Variants in SLC25A45 observed in about 807,000 individuals in gnomAD.
SLC25A45 encodes the protein methylated amino-acid transporter SLC25A45.
In SLC25A45, 22 loss-of-function variants were observed where a neutral mutation model predicts 23.0. That is an observed-to-expected ratio of 0.95 (90% confidence interval 0.68 to 1.36). The LOEUF (loss-of-function observed/expected upper bound fraction) is 1.36. Ranked by LOEUF, SLC25A45 falls within the 40% of genes most tolerant of loss-of-function variation. SLC25A45 has a pLI of 0.00. For synonymous variants in SLC25A45, 136 were observed against 155.0 expected (o/e 0.88, Z 0.91); for missense variants, 355 against 383.5 (o/e 0.93, Z 0.62).
chr11:65,381,838 C>T, intron 2 of SLC25A45, 77 bp downstream of exon 2: 1 of 1,585,752 alleles, frequency 6.3e-7, no homozygotes, highest in Non-Finnish European at 8.7e-7. Flanking sequence ...GTCTCTGCTC[C>T]TCCCATGTCA....
intron 5 of SLC25A45, chr11:65,377,498 GGT>G: frequency 3.6e-6 from 3 of 829,270 alleles, no homozygotes; most frequent in African/African-American, 1.9e-5. Context: ...CCTTTCCCAG[GGT>G]GAAGGAGGTC....
upstream of SLC25A45, chr11:65,383,245 T>C (rs1855655745): frequency 6.6e-6 from 1 of 152,424 alleles, no homozygotes; most frequent in Admixed American, 6.5e-5. Flanking sequence ...CCTCTCACTG[T>C]GGCCAAGGCA....
rs201603322 is a variant in SLC25A45, at chr11:65,376,538, T to C, written c.736A>G (p.Met246Val). The change falls in exon 7 of 7, where the codon ATG (methionine) becomes GTG (valine). Residue 246 changes from methionine to valine, a missense_variant. Met to Val is a conservative substitution (Grantham distance 21). Coordinates refer to ENST00000398802, the MANE Select transcript of SLC25A45 (RefSeq NM_182556.4). ...RRVYQGMLDC[M>V]VSSIRQEGLG... Reference sequence around the variant, plus strand: ...CCTTCCTGCCGGATGCTGCTCACCATGCAGTCCAGCATCCCCTGGTACACT... The same window carrying C: ...CCTTCCTGCCGGATGCTGCTCACCACGCAGTCCAGCATCCCCTGGTACACT... 3.1e-6 allele frequency: 5 copies of C among 1,614,088 alleles called. No individual in the cohort carries two copies. In the African/African-American group the frequency reaches 6.7e-5, roughly 22 times the overall value.
chr11:65,379,559 G>A lies in SLC25A45; in HGVS notation c.156C>T (p.Leu52=). ...CMVKIYRHES[L]LGFFKGMSFP... ...AGCTCATTCCCTTGAAGAAGCCCAG[G>A]AGCTGCAGAGAGACACAGTGGCAGC... is the stretch of plus-strand genomic sequence containing the variant. Residue 52 remains leucine, a splice_region_variant and synonymous_variant, in exon 5 of 7, where the codon CTC becomes CTT. Coordinates refer to ENST00000398802, the MANE Select transcript of SLC25A45 (RefSeq NM_182556.4). 1.2e-6 allele frequency: 2 copies of A among 1,604,284 alleles called. No homozygotes were observed. Among genetic ancestry groups the A allele is most frequent in the Non-Finnish European group, 8.5e-7 (1 of 1,172,778 alleles).
intron 5 of SLC25A45, 180 bp from the exon 6 acceptor site, chr11:65,377,256 C>T (rs1855264103): frequency 7.0e-7 from 1 of 1,423,540 alleles, no homozygotes; most frequent in Non-Finnish European, 9.1e-7. Context: ...CTGCATGCGA[C>T]CGGGACAGGC....
rs756041967 is a variant in SLC25A45 at position 65,380,148 on chromosome 11, G to A, written c.65C>T (p.Pro22Leu). The change falls in exon 3 of 7, where the codon CCG becomes CTG. Residue 22 changes from proline to leucine, a missense_variant. Transcript: ENST00000398802. ...TAAACTCACCTTTACAGTGTCAAAC[G>A]GGTGTCCCAGGACCAAGCCCAGAGC... ...SGALGLVLGHPFDTVKVRLQT... is the reference protein window; with the variant it reads ...SGALGLVLGHLFDTVKVRLQT... 5.0e-6 allele frequency: 8 copies of A among 1,614,158 alleles called. No homozygotes were observed. Among genetic ancestry groups the A allele is most frequent in the Middle Eastern group, 1.7e-4 (1 of 6,048 alleles).
chr11:65,377,410 GGCAGTGA>G (rs1371630847), intron 5 of SLC25A45: 4 of 1,179,920 alleles, frequency 3.4e-6, no homozygotes, highest in Admixed American at 8.8e-5. Flanking sequence ...CCCTAAAGCC[GGCAGTGA>G]GCATACCTGT....
At position 65,376,656 on chromosome 11, in the gene SLC25A45, C is replaced by T; in HGVS notation, c.618G>A (p.Val206=). 1 of 1,614,078 alleles carries T rather than the reference C, an allele frequency of 6.2e-7. No homozygotes were observed. Among genetic ancestry groups the T allele is most frequent in the Non-Finnish European group, 8.5e-7 (1 of 1,180,018 alleles). ...GQNPSSATVL[V]AGGFAGIASW... is the part of the protein sequence containing the mutation. ...AAGCAATGCCTGCAAAGCCCCCTGC[C>T]ACCAGCACCGTGGCTGAGCCTGGGG... The change falls in exon 7 of 7, where the codon GTG becomes GTA. Residue 206 remains valine (V), a synonymous_variant. Coordinates refer to ENST00000398802, the MANE Select transcript of SLC25A45 (RefSeq NM_182556.4).
rs756041967 is a variant in SLC25A45 at position 65,380,148 on chromosome 11, G to C, written c.65C>G (p.Pro22Arg). The C allele has an allele frequency of 6.2e-7, 1 of 1,614,040 alleles. No homozygotes were observed. The highest frequency in any genetic ancestry group is 8.5e-7 in the Non-Finnish European group (1 of 1,180,010). ...SGALGLVLGH[P>R]FDTVKVRLQT... is the part of the protein sequence containing the mutation. The stretch of plus-strand genomic sequence containing the variant: ...TAAACTCACCTTTACAGTGTCAAAC[G>C]GGTGTCCCAGGACCAAGCCCAGAGC... Residue 22 changes from proline to arginine, a missense_variant, in exon 3 of 7, where the codon CCG becomes CGG. By Grantham distance (103) the Pro-to-Arg change is moderately radical. Transcript: ENST00000398802.
chr11:65,379,262 C>T, intron 5 of SLC25A45, 114 bp downstream of exon 5: 1 of 1,236,698 alleles, frequency 8.1e-7, no homozygotes, highest in Non-Finnish European at 1.1e-6. Context: ...CTCTTGTTCC[C>T]CTCCAAGAGG....
At chr11:65,377,578 C>CG in intron 5 of SLC25A45, 1 of 196,972 alleles carries the variant, frequency 5.1e-6, no homozygotes, top group Non-Finnish European at 9.2e-6. Flanking sequence ...CCAGCCCCTC[C>CG]TGCCTCCAGA....
In SLC25A45 at chr11:65,382,612, C is replaced by T. The variant is rs552027165; in HGVS notation, c.-145G>A. The T allele has an allele frequency of 5.8e-5, 9 of 153,880 alleles. No individual in the cohort carries two copies. In the East Asian group the frequency reaches 7.7e-4, roughly 13 times the overall value. 9.5% of individuals were successfully genotyped at this position (153,880 alleles called of 1,614,324 possible). The stretch of plus-strand genomic sequence containing the variant: ...ATAGGGGTTTTGATTATTTAAAGTG[C>T]GTGTTGATCTGCAATGGCACCATTC... On this transcript the variant is annotated 5_prime_UTR_variant, in exon 1 of 7. Transcript: ENST00000398802. This position sits in a 1 kb window ranked among gnomAD's most constrained non-coding sequence, Gnocchi z 4.4.
rs935431518 is a variant in SLC25A45 at position 65,379,379 on chromosome 11, C to G, written c.336G>C (p.Leu112=). The part of the protein sequence containing the change: ...IFLAGCTGGF[L]QAYCLAPFDL... ...TGCCCACTCACTGCCCCCTCACCTG[C>G]AGGAACCCCCCGGTGCAGCCCGCTA... Residue 112 remains leucine (L), a synonymous_variant, in exon 5 of 7, where the codon CTG becomes CTC. Transcript: ENST00000398802. 7 of 1,608,542 alleles carry G rather than the reference C, an allele frequency of 4.4e-6. No homozygotes were observed. Among genetic ancestry groups the G allele is most frequent in the African/African-American group, 1.3e-5 (1 of 74,908 alleles).
At position 65,379,630 on chromosome 11, in the gene SLC25A45, C is replaced by T. The variant is rs964344258; in HGVS notation, c.154-69G>A. On this transcript the variant is annotated intron_variant, in intron 4 of 6. Transcript: ENST00000398802. ...TCCCCTTTGTCCTCTCCACCCCTGG[C>T]AAGGCAGCCTCTGGCTGGAAACTGC... 18 of 1,481,904 alleles carry T rather than the reference C, an allele frequency of 1.2e-5. No homozygotes were observed. In the Admixed American group the frequency reaches 1.7e-4, roughly 14 times the overall value. The allele number at this position is 1,481,904 out of a possible 1,614,324, so 91.8% of individuals were successfully genotyped here.
chr11:65,377,048 A>G lies in SLC25A45; in HGVS notation c.368T>C (p.Ile123Thr), dbSNP rs534330568. ...QAYCLAPFDL[I>T]KVRLQNQTEP... is the part of the protein sequence containing the mutation. ...TGTCTGGTTTTGTAGCCGGACTTTG[A>G]TGAGGTCAAAAGGAGCCAGACAGTA... Residue 123 changes from isoleucine to threonine, a missense_variant, in exon 6 of 7, where the codon ATC (isoleucine) becomes ACC (threonine). Physicochemically the swap from Ile to Thr is moderately conservative, Grantham distance 89. Coordinates refer to ENST00000398802, the MANE Select transcript of SLC25A45 (RefSeq NM_182556.4). The G allele has an allele frequency of 6.2e-7, 1 of 1,613,968 alleles. No individual in the cohort carries two copies. The highest frequency in any genetic ancestry group is 1.3e-5 in the African/African-American group (1 of 75,032).
At chr11:65,380,883 C>T (rs775762525) in intron 2 of SLC25A45, 42 of 285,880 alleles carry the variant, frequency 1.5e-4, no homozygotes, top group Non-Finnish European at 2.3e-4. Context: ...GGGCAGAGGC[C>T]CAGAGGGGAC....
chr11:65,380,278 C>A (rs774313802), intron 2 of SLC25A45, 103 bp from the exon 3 acceptor site: 8 of 1,547,244 alleles, frequency 5.2e-6, no homozygotes, highest in Non-Finnish European at 7.1e-6. Context: ...GGAAGGAGAG[C>A]AGGGCCATCT....
rs1243589518 is a variant in SLC25A45, at chr11:65,377,029, G to C, written c.387C>G (p.Asn129Lys). 1.9e-6 allele frequency: 3 copies of C among 1,613,930 alleles called. No homozygotes were observed. Among genetic ancestry groups the C allele is most frequent in the Non-Finnish European group, 2.5e-6 (3 of 1,179,954 alleles). ...CTGGCTGGGCCCTTGGCTCTGTCTG[G>C]TTTTGTAGCCGGACTTTGATGAGGT... is the stretch of plus-strand genomic sequence containing the variant. ...PFDLIKVRLQ[N>K]QTEPRAQPGS... The change falls in exon 6 of 7, where the codon AAC becomes AAG. Residue 129 changes from asparagine (N) to lysine (K), a missense_variant. Coordinates refer to ENST00000398802, the MANE Select transcript of SLC25A45 (RefSeq NM_182556.4).
At chr11:65,380,212 C>T (rs752834147) in intron 2 of SLC25A45, 37 bp from the exon 3 acceptor site, 6 of 1,613,930 alleles carry the variant, frequency 3.7e-6, no homozygotes, top group South Asian at 2.2e-5. Context: ...TGAGGGCCCT[C>T]GTGCCAGGCC....
Sources: allele counts gnomAD v4.1 joint callset, GRCh38; gene constraint gnomAD v4.1.1; non-coding constraint Gnocchi (gnomAD v3.1); transcripts MANE v1.5; gene names NCBI Gene and HGNC (gene_info 2026-07-23, HGNC 2026-07-21).